MEDAG: variants seen among roughly 807,000 people sequenced by gnomAD.
The protein encoded by MEDAG is mesenteric estrogen dependent adipogenesis.
MEDAG carries 25 observed loss-of-function variants against 29.9 expected under a neutral mutation model. The ratio of observed to expected loss-of-function variants is 0.84; its 90% CI spans 0.61 to 1.17. MEDAG has a LOEUF of 1.17. Ranked by LOEUF, MEDAG falls within the 50% of genes most tolerant of loss-of-function variation. The probability of loss-of-function intolerance (pLI) is 0.00; values close to 1 mark genes in which losing one functional copy is unlikely to be tolerated. For missense variants in MEDAG, 398 were observed against 372.9 expected, an observed-to-expected ratio of 1.07 and a Z score of -0.56; for synonymous variants, 158 against 148.2, an observed-to-expected ratio of 1.07 and a Z score of -0.48.
chr13:30,906,822 C>G (rs773691049), intron 1 of MEDAG, 29 bp downstream of exon 1: 20 of 1,432,648 alleles, frequency 1.4e-5, no homozygotes, highest in Non-Finnish European at 1.7e-5. Context: ...CGCCCTGGCC[C>G]GTCGCCTGGT....
intron 2 of MEDAG, among the ~76,000 whole-genome samples, chr13:30,920,804 C>T (rs2297396): frequency 0.19 from 28,254 of 151,994 alleles, 2,749 homozygotes; most frequent in East Asian, 0.38. Context: ...TTACAGCAGC[C>T]CAGAACCTCC....
intron 1 of MEDAG, among the ~76,000 whole-genome samples, chr13:30,912,652 T>A (rs1306647039): frequency 6.6e-6 from 1 of 152,204 alleles, no homozygotes; most frequent in Non-Finnish European, 1.5e-5. Context: ...AGGTGGGCCA[T>A]CTTTCAGTGG....
chr13:30,918,966 C>T (rs895706471), intron 2 of MEDAG, among the ~76,000 whole-genome samples: 1 of 152,164 alleles, frequency 6.6e-6, no homozygotes, highest in Non-Finnish European at 1.5e-5. Flanking sequence ...CTGCACCGAT[C>T]ACTCAGGAGG....
chr13:30,922,582 G>T (rs1952998739), intron 4 of MEDAG: 1 of 152,144 alleles, frequency 6.6e-6, no homozygotes, highest in Non-Finnish European at 1.5e-5. Flanking sequence ...GTATTTGGAA[G>T]GGTTCTCCAG....
chr13:30,909,116 CAA>C (rs10708028), intron 1 of MEDAG: 4,278 of 83,542 alleles, frequency 0.051, 174 homozygotes, highest in African/African-American at 0.16. Context: ...GACCCTGTCT[CAA>C]AAAAAAAAAA....
chr13:30,922,019 G>A (rs1053510275), intron 4 of MEDAG, 173 bp downstream of exon 4: 2 of 666,580 alleles, frequency 3.0e-6, no homozygotes, highest in Admixed American at 3.5e-5. Flanking sequence ...AACAAATGCA[G>A]TGACTTTTCC....
chr13:30,910,069 A>T (rs1347648483), intron 1 of MEDAG, among the ~76,000 whole-genome samples: 1 of 152,176 alleles, frequency 6.6e-6, no homozygotes, highest in Non-Finnish European at 1.5e-5. Flanking sequence ...TTTCAAGATC[A>T]GGATTTTCGC....
intron 1 of MEDAG, among the ~76,000 whole-genome samples, chr13:30,907,555 G>T (rs1157280109): frequency 6.6e-6 from 1 of 152,214 alleles, no homozygotes; most frequent in East Asian, 1.9e-4. Flanking sequence ...TCTGAAGCAG[G>T]CTTTGGTGCC....
intron 2 of MEDAG, 40 bp from the exon 3 acceptor site, chr13:30,920,974 T>G: frequency 2.0e-6 from 3 of 1,528,212 alleles, no homozygotes; most frequent in Non-Finnish European, 2.7e-6. Flanking sequence ...TTATGTCACA[T>G]GGACACACTT....
At chr13:30,921,309 T>A (rs1952983124) in intron 3 of MEDAG, among the ~76,000 whole-genome samples, 183 bp downstream of exon 3, 1 of 152,250 alleles carries the variant, frequency 6.6e-6, no homozygotes, top group Non-Finnish European at 1.5e-5. Flanking sequence ...ATGAGTTTAG[T>A]TCTTAGCAAC....
chr13:30,925,057 C>T lies in MEDAG; in HGVS notation c.*622C>T, dbSNP rs1183131616. Reference sequence around the variant, plus strand: ...CAGGTTGCTAGGACAGTAACCCTGCCACACACTGCCTGAAATCGGAACTCC... The same window carrying T: ...CAGGTTGCTAGGACAGTAACCCTGCTACACACTGCCTGAAATCGGAACTCC... On this transcript the variant is annotated 3_prime_UTR_variant, in exon 5 of 5. Transcript: ENST00000380482. The T allele has an allele frequency of 6.6e-6, 1 of 152,154 alleles. No homozygotes were observed. The highest frequency in any genetic ancestry group is 2.4e-5 in the African/African-American group (1 of 41,420). 9.4% of individuals were successfully genotyped at this position (152,154 alleles called of 1,614,324 possible).
At chr13:30,923,696 C>G (rs143666602) in intron 4 of MEDAG, among the ~76,000 whole-genome samples, 23 of 152,336 alleles carry the variant, frequency 1.5e-4, no homozygotes, top group African/African-American at 5.3e-4. Context: ...GCCCCAGCAG[C>G]CTGGGCAGGA....
intron 2 of MEDAG, among the ~76,000 whole-genome samples, chr13:30,918,206 C>T (rs575170873): frequency 1.4e-4 from 21 of 152,286 alleles, no homozygotes; most frequent in South Asian, 4.1e-4. Context: ...TGCTCTACCA[C>T]GTATCAAACA....
chr13:30,919,388 A>C (rs1226900631), intron 2 of MEDAG, among the ~76,000 whole-genome samples: 1 of 146,040 alleles, frequency 6.8e-6, no homozygotes, highest in Non-Finnish European at 1.5e-5. Flanking sequence ...ATGTCTGTAA[A>C]TGTGAATGAC....
chr13:30,923,474 C>T (rs1953009595), intron 4 of MEDAG, among the ~76,000 whole-genome samples: 1 of 152,112 alleles, frequency 6.6e-6, no homozygotes, highest in Admixed American at 6.5e-5. Context: ...CTCTCTTTCT[C>T]TGTCTCTCTG....
intron 1 of MEDAG, among the ~76,000 whole-genome samples, chr13:30,914,987 G>T (rs1391399327): frequency 6.6e-6 from 1 of 152,230 alleles, no homozygotes; most frequent in Non-Finnish European, 1.5e-5. Flanking sequence ...TGAACTCCAT[G>T]TAAACAGGAT....
At chr13:30,918,450 G>A (rs1413837119) in intron 2 of MEDAG, among the ~76,000 whole-genome samples, 1 of 152,154 alleles carries the variant, frequency 6.6e-6, no homozygotes, top group African/African-American at 2.4e-5. Flanking sequence ...CATTGTGGAT[G>A]CTTTTCTGTT....
chr13:30,924,250 C>G, intron 4 of MEDAG, 61 bp from the exon 5 acceptor site: 1 of 1,506,404 alleles, frequency 6.6e-7, no homozygotes, highest in Non-Finnish European at 9.0e-7. Flanking sequence ...TTGAAAGGCA[C>G]TGTTGGTTTT....
At chr13:30,922,117 G>T (rs1167023529) in intron 4 of MEDAG, 1 of 259,088 alleles carries the variant, frequency 3.9e-6, no homozygotes, top group East Asian at 8.0e-5. Context: ...TAATTTAAAT[G>T]AGTATTGATG....
Sources: gnomAD v4.1 joint callset for allele counts (sites outside exome capture counted in the v4.1 genomes callset) on GRCh38, gnomAD v4.1.1 for gene constraint, MANE v1.5 for transcripts, NCBI Gene and HGNC (gene_info 2026-07-23, HGNC 2026-07-21) for gene names.